TEKT1: variants seen among roughly 807,000 people sequenced by gnomAD.
The protein encoded by TEKT1 is tektin-1.
In TEKT1, 32 loss-of-function variants were observed where a neutral mutation model predicts 34.8. The observed-to-expected ratio is 0.92, with a 90% CI of 0.69 to 1.23. The LOEUF (loss-of-function observed/expected upper bound fraction) is 1.23, where lower values mean the gene tolerates loss of function less well. Among genes scored for constraint, TEKT1 ranks in the 50% most tolerant of loss-of-function variants. The pLI, the probability that TEKT1 is intolerant of heterozygous loss-of-function variation, is 0.00. For missense variants in TEKT1, 492 were observed against 518.5 expected, an observed-to-expected ratio of 0.95 and a Z score of 0.50; for synonymous variants, 207 against 199.8, an observed-to-expected ratio of 1.04 and a Z score of -0.30.
Position 6,818,194 on chromosome 17 carries a change from A to G in TEKT1, c.356+999T>C, listed in dbSNP as rs181770608. ...CTTGGTTTGCTAAGCTAAGAAGCTT[A>G]AAATTTATCTTGAAGCCATTGGGGT... On this transcript the variant is annotated intron_variant, in intron 3 of 7. Coordinates refer to ENST00000338694, the MANE Select transcript of TEKT1 (RefSeq NM_053285.2). Among the ~76,000 whole-genome samples the G allele has an allele frequency of 2.3e-3, 345 of 152,338 alleles. 4 individuals carry two copies. The highest frequency in any genetic ancestry group is 7.1e-3 in the Admixed American group (108 of 15,304).
intron 2 of TEKT1, among the ~76,000 whole-genome samples, chr17:6,819,842 C>T (rs1977061459): frequency 6.6e-6 from 1 of 152,166 alleles, no homozygotes; most frequent in South Asian, 2.1e-4. Flanking sequence ...CATCCGCCAC[C>T]ACACCCGGCT....
intron 6 of TEKT1, among the ~76,000 whole-genome samples, chr17:6,812,130 CA>C: frequency 1.3e-5 from 2 of 152,038 alleles, no homozygotes; most frequent in Admixed American, 6.6e-5. Flanking sequence ...TTAAAAGTGG[CA>C]GTTTCCCCTG....
rs376522151 is a variant in TEKT1 at position 6,811,224 on chromosome 17, T to TATC, written c.852+1604_852+1606dup. Among the ~76,000 whole-genome samples the TATC allele has an allele frequency of 6.8e-3, 1,041 of 151,990 alleles. 13 individuals are homozygous for TATC. The highest frequency in any genetic ancestry group is 0.02 in the African/African-American group (826 of 41,452). ...GGAAGTCTCTGGATTATTCCTTGGC[T>TATC]ATCATCATCATCATCATCATCATCA... On this transcript the variant is annotated intron_variant, in intron 6 of 7. Coordinates refer to ENST00000338694, the MANE Select transcript of TEKT1 (RefSeq NM_053285.2). This position sits in a 1 kb window ranked among gnomAD's most constrained non-coding sequence, Gnocchi z 4.4.
chr17:6,830,223 T>A lies in TEKT1; in HGVS notation c.154A>T (p.Thr52Ser). Residue 52 changes from threonine (T) to serine (S), a missense_variant, in exon 2 of 8, where the codon ACA (threonine) becomes TCA (serine). Coordinates refer to ENST00000338694, the MANE Select transcript of TEKT1 (RefSeq NM_053285.2). The part of the protein sequence containing the change: ...QRLVDEIEKT[T>S]RKSQSDVNKK... The stretch of plus-strand genomic sequence containing the variant: ...TTCACATCGCTTTGAGATTTTCTTG[T>A]GGTCTTTTCAATTTCATCCACAAGC... 6.2e-7 allele frequency: 1 copy of A among 1,609,772 alleles called. No homozygotes were observed. The highest frequency in any genetic ancestry group is 8.5e-7 in the Non-Finnish European group (1 of 1,179,156).
Position 6,830,202 on chromosome 17 carries a change from C to CATCG in TEKT1, c.171_174dup (p.Val59ArgfsTer22), listed in dbSNP as rs1904533573. The CATCG allele has an allele frequency of 1.2e-6, 2 of 1,609,610 alleles. No individual in the cohort carries two copies. On this transcript the variant is annotated frameshift_variant, in exon 2 of 8. Coordinates refer to ENST00000338694, the MANE Select transcript of TEKT1 (RefSeq NM_053285.2). LOFTEE classifies it high-confidence loss of function. ...GTTGTCTTACCTAGTTTCTTGTTCA[C>CATCG]ATCGCTTTGAGATTTTCTTGTGGTC...
At chr17:6,827,451 A>C (rs946185159) in intron 2 of TEKT1, among the ~76,000 whole-genome samples, 2 of 151,866 alleles carry the variant, frequency 1.3e-5, no homozygotes, top group Admixed American at 6.6e-5. Context: ...TTTAGTAGAG[A>C]CAGGGTTTCA....
intron 6 of TEKT1, among the ~76,000 whole-genome samples, chr17:6,807,881 G>A (rs985846911): frequency 1.3e-5 from 2 of 152,174 alleles, no homozygotes. Context: ...TGCCCCTACT[G>A]GGGGGTGCCT....
At position 6,827,236 on chromosome 17, in the gene TEKT1, T is replaced by C. The variant is rs1904434416; in HGVS notation, c.190+2951A>G. Among the ~76,000 whole-genome samples the C allele has an allele frequency of 2.0e-5, 3 of 151,864 alleles. No homozygotes were observed. The South Asian group carries it at 6.3e-4, about 32-fold the overall frequency. On this transcript the variant is annotated intron_variant, in intron 2 of 7. Coordinates refer to ENST00000338694, the MANE Select transcript of TEKT1 (RefSeq NM_053285.2). The stretch of plus-strand genomic sequence containing the variant: ...CGGTAGAAGTCTTCCAACTGTGTTC[T>C]TCTTTAAGATAGTTGTGCCAATTTT...
intron 6 of TEKT1, among the ~76,000 whole-genome samples, chr17:6,810,776 T>A (rs1976916063): frequency 6.6e-6 from 1 of 152,254 alleles, no homozygotes; most frequent in South Asian, 2.1e-4. Flanking sequence ...TTCGCTCTTA[T>A]TGCCCAGGCT....
At chr17:6,828,847 G>A (rs1229322627) in intron 2 of TEKT1, among the ~76,000 whole-genome samples, 2 of 151,802 alleles carry the variant, frequency 1.3e-5, no homozygotes, top group Non-Finnish European at 1.5e-5. Context: ...GCTAAAGAAC[G>A]CTACCTTTTA....
At position 6,812,441 on chromosome 17, in the gene TEKT1, C is replaced by T. The variant is rs75507405; in HGVS notation, c.852+390G>A. On this transcript the variant is annotated intron_variant, in intron 6 of 7. Coordinates refer to ENST00000338694, the MANE Select transcript of TEKT1 (RefSeq NM_053285.2). ...CTGGCTGCATCAACTCCTGTAACTTCAGAGTCCTAAAGGGCACGTGAGAGC... is the reference window on the plus strand; with the variant it reads ...CTGGCTGCATCAACTCCTGTAACTTTAGAGTCCTAAAGGGCACGTGAGAGC... 7.8e-3 allele frequency among the ~76,000 whole-genome samples: 1,187 copies of T among 152,286 alleles called. 21 individuals carry two copies. The highest frequency in any genetic ancestry group is 0.028 in the African/African-American group (1,148 of 41,542).
chr17:6,807,907 C>T (rs567260177), intron 6 of TEKT1, among the ~76,000 whole-genome samples: 28 of 152,298 alleles, frequency 1.8e-4, no homozygotes, highest in Admixed American at 1.8e-3. Context: ...TTAGGCTACT[C>T]GGGGGTCAGG....
At chr17:6,804,380 T>C (rs1306569818) in intron 6 of TEKT1, among the ~76,000 whole-genome samples, 1 of 151,936 alleles carries the variant, frequency 6.6e-6, no homozygotes, top group Non-Finnish European at 1.5e-5. Flanking sequence ...TGGGGTTTTC[T>C]AGATATACAA....
chr17:6,821,681 G>A lies in TEKT1; in HGVS notation c.191-2323C>T, dbSNP rs144521896. 7.1e-3 allele frequency among the ~76,000 whole-genome samples: 1,080 copies of A among 152,260 alleles called. 10 individuals are homozygous for A. The highest frequency in any genetic ancestry group is 0.024 in the African/African-American group (1,012 of 41,542). On this transcript the variant is annotated intron_variant, in intron 2 of 7. Transcript: ENST00000338694. ...GGCTCAGAAGAAGACAGAAAGTTTT[G>A]GGAAAGTTTGGAACTTCCTAGAGAC...
chr17:6,817,998 G>A (rs1157677080), intron 3 of TEKT1, among the ~76,000 whole-genome samples: 1 of 152,132 alleles, frequency 6.6e-6, no homozygotes, highest in Admixed American at 6.5e-5. Flanking sequence ...CTGCTGCCTG[G>A]TTCCTGCAAC....
intron 6 of TEKT1, among the ~76,000 whole-genome samples, chr17:6,809,245 TG>T (rs1976892451): frequency 1.3e-5 from 2 of 152,216 alleles, no homozygotes; most frequent in Non-Finnish European, 2.9e-5. Context: ...TGTTTGCTTT[TG>T]TTTTTTATGG....
At chr17:6,813,548 C>CCACACACACA (rs1976957006) in intron 5 of TEKT1, among the ~76,000 whole-genome samples, 2 of 81,736 alleles carry the variant, frequency 2.4e-5, no homozygotes, top group Admixed American at 1.4e-4. Flanking sequence ...TTGGAAGAAA[C>CCACACACACA]CAGACACACA....
intron 6 of TEKT1, among the ~76,000 whole-genome samples, chr17:6,804,961 GA>G (rs1300628676): frequency 6.6e-6 from 1 of 152,128 alleles, no homozygotes; most frequent in Non-Finnish European, 1.5e-5. Context: ...TTGGTATCAG[GA>G]TGGTGCTGGC....
At chr17:6,826,656 ATAGATAG>A (rs1904405565) in intron 2 of TEKT1, among the ~76,000 whole-genome samples, 2 of 151,010 alleles carry the variant, frequency 1.3e-5, no homozygotes, top group Non-Finnish European at 3.0e-5. Flanking sequence ...AGATAGATAG[ATAGATAG>A]ATAGATAATA....
Sources: allele counts gnomAD v4.1 joint callset (sites outside exome capture counted in the v4.1 genomes callset), GRCh38; gene constraint gnomAD v4.1.1; non-coding constraint Gnocchi (gnomAD v3.1); transcripts MANE v1.5; gene names NCBI Gene and HGNC (gene_info 2026-07-23, HGNC 2026-07-21).